The following ATP6V1C1 variants were observed in gnomAD, a reference collection of about 807,000 sequenced individuals.
ATP6V1C1 encodes the protein ATPase H+ transporting V1 subunit C1.
A neutral mutation model predicts 53.9 loss-of-function variants in ATP6V1C1; 45 were observed. That is an observed-to-expected ratio of 0.83 (90% CI 0.66 to 1.07). The LOEUF is 1.07. ATP6V1C1 is among the 50% of genes least tolerant of loss of function. The pLI is 0.00. For missense variants in ATP6V1C1, 315 were observed against 440.3 expected, an observed-to-expected ratio of 0.72 and a Z score of 2.55; for synonymous variants, 153 against 155.2, an observed-to-expected ratio of 0.99 and a Z score of 0.11.
intron 1 of ATP6V1C1, among the ~76,000 whole-genome samples, chr8:103,030,968 G>C (rs780035130): frequency 9.9e-5 from 15 of 152,074 alleles, no homozygotes; most frequent in Non-Finnish European, 1.2e-4. Context: ...CTAGAGTAAG[G>C]CCTTAGATCT....
chr8:103,024,331 C>CTCA lies in ATP6V1C1; in HGVS notation c.-40+3108_-40+3110dup, dbSNP rs531674074. Among the ~76,000 whole-genome samples, 78 of 152,224 alleles carry CTCA rather than the reference C, an allele frequency of 5.1e-4. 2 individuals carry two copies. In the South Asian group the frequency reaches 0.016, roughly 30 times the overall value. On this transcript the variant is annotated intron_variant, in intron 1 of 12. Transcript: ENST00000518738. The stretch of plus-strand genomic sequence containing the variant: ...TTTTTGGTATATTAGTCTTAGGAGC[C>CTCA]TCATGTACATTAGTTTTTTCAACCT...
intron 7 of ATP6V1C1, 106 bp from the exon 8 acceptor site, chr8:103,055,762 A>T (rs984958463): frequency 1.9e-6 from 2 of 1,028,752 alleles, no homozygotes; most frequent in East Asian, 2.7e-5. Context: ...AAGTATACTT[A>T]CTATAGCCAG....
At chr8:103,035,654 G>A (rs964781612) in intron 1 of ATP6V1C1, among the ~76,000 whole-genome samples, 10 of 152,116 alleles carry the variant, frequency 6.6e-5, no homozygotes, top group African/African-American at 2.4e-4. Flanking sequence ...GAAAGGGGAA[G>A]GTCTAGGTAC....
rs764399660 is a variant in ATP6V1C1, at chr8:103,048,895, A to C, written c.226A>C (p.Met76Leu). Reference sequence around the variant, plus strand: ...AGTGGTTAAGAAAGTAGCTCAATACATGGCTGATGTATTGGAAGATAGCAA... The same window carrying C: ...AGTGGTTAAGAAAGTAGCTCAATACCTGGCTGATGTATTGGAAGATAGCAA... ...EGVVKKVAQY[M>L]ADVLEDSKDK... Residue 76 changes from methionine to leucine, a missense_variant, in exon 4 of 13, where the codon ATG becomes CTG. Transcript: ENST00000518738. 6.2e-7 allele frequency: 1 copy of C among 1,613,378 alleles called. No homozygotes were observed. Among genetic ancestry groups the C allele is most frequent in the Non-Finnish European group, 8.5e-7 (1 of 1,179,652 alleles).
intron 1 of ATP6V1C1, among the ~76,000 whole-genome samples, chr8:103,023,719 A>T (rs930127173): frequency 6.6e-6 from 1 of 152,290 alleles, no homozygotes; most frequent in South Asian, 2.1e-4. Flanking sequence ...TATTCATTGT[A>T]TAGATGGGAA....
chr8:103,056,266 ATTCT>A (rs1421701992), intron 8 of ATP6V1C1, among the ~76,000 whole-genome samples: 1 of 152,094 alleles, frequency 6.6e-6, no homozygotes, highest in Admixed American at 6.6e-5. Flanking sequence ...CCTTTTGAAA[ATTCT>A]TTATTCATTA....
chr8:103,064,864 C>A, intron 11 of ATP6V1C1, 53 bp downstream of exon 11: 1 of 1,487,154 alleles, frequency 6.7e-7, no homozygotes, highest in Non-Finnish European at 9.3e-7. Flanking sequence ...AGATTCCTTA[C>A]ATTGGACCTC....
intron 3 of ATP6V1C1, among the ~76,000 whole-genome samples, chr8:103,047,430 G>GCGCGCACACACA (rs1491170438): frequency 9.5e-6 from 1 of 104,948 alleles, no homozygotes; most frequent in African/African-American, 3.5e-5. Context: ...AAATGCGCGC[G>GCGCGCACACACA]CACACACACA....
chr8:103,054,073 C>A (rs986887856), intron 7 of ATP6V1C1, 91 bp downstream of exon 7: 1 of 1,015,018 alleles, frequency 9.9e-7, no homozygotes, highest in Non-Finnish European at 1.4e-6. Context: ...TCCATAAAAT[C>A]CAAGCGTAAA....
Position 103,043,489 on chromosome 8 carries a change from A to AT in ATP6V1C1, c.200+1097dup, listed in dbSNP as rs60182020. Reference sequence around the variant, plus strand: ...AGGCACCCACCACCACGCCCAGCTAATTTTTTTTTTTTTTTGTATTTTTAG... The same window carrying AT: ...AGGCACCCACCACCACGCCCAGCTAATTTTTTTTTTTTTTTTGTATTTTTAG... On this transcript the variant is annotated intron_variant, in intron 3 of 12. Transcript: ENST00000518738. Among the ~76,000 whole-genome samples the AT allele has an allele frequency of 3.7e-3, 528 of 141,904 alleles. 2 individuals carry two copies. Among genetic ancestry groups the AT allele is most frequent in the African/African-American group, 7.7e-3 (298 of 38,936 alleles). The allele number at this position is 141,904 out of a possible 152,430, so 93.1% of individuals were successfully genotyped here.
intron 9 of ATP6V1C1, 39 bp downstream of exon 9, chr8:103,063,086 T>A (rs1369559053): frequency 1.9e-6 from 3 of 1,610,242 alleles, no homozygotes; most frequent in Non-Finnish European, 1.7e-6. Flanking sequence ...CTTTGTTAGA[T>A]CAGCTGTATA....
intron 6 of ATP6V1C1, 78 bp from the exon 7 acceptor site, chr8:103,053,800 GTGAAAA>G: frequency 1.0e-6 from 1 of 982,088 alleles, no homozygotes; most frequent in South Asian, 1.4e-5. Context: ...TATAGTATAT[GTGAAAA>G]TGATTAGCCT....
Position 103,072,147 on chromosome 8 carries a change from C to G in ATP6V1C1, c.*3400C>G, listed in dbSNP as rs548805740. ...GTGGAACAAAAGATATTTGTGGAAC[C>G]AATCTTTGTGGAACATATTCCAGCT... On this transcript the variant is annotated 3_prime_UTR_variant, in exon 13 of 13. Transcript: ENST00000518738. 2.6e-5 allele frequency: 4 copies of G among 152,298 alleles called. No individual in the cohort carries two copies. The South Asian group carries it at 6.2e-4, about 24-fold the overall frequency. The allele number at this position is 152,298 out of a possible 1,614,324, so 9.4% of individuals were successfully genotyped here.
intron 1 of ATP6V1C1, among the ~76,000 whole-genome samples, chr8:103,034,965 T>C (rs929401660): frequency 3.9e-5 from 6 of 152,220 alleles, no homozygotes; most frequent in African/African-American, 1.2e-4. Flanking sequence ...AAAATACTTA[T>C]GATGTTAACT....
chr8:103,022,045 G>C (rs1816606434), intron 1 of ATP6V1C1, among the ~76,000 whole-genome samples: 1 of 152,152 alleles, frequency 6.6e-6, no homozygotes. Context: ...TAACGTTGGA[G>C]AGAAAAGTCT....
chr8:103,064,821 G>A lies in ATP6V1C1; in HGVS notation c.926+10G>A, dbSNP rs1330489006. On this transcript the variant is annotated intron_variant, in intron 11 of 12. Coordinates refer to ENST00000518738, the MANE Select transcript of ATP6V1C1 (RefSeq NM_001695.5). Reference sequence around the variant, plus strand: ...TTGAGTCTGTTTTAAGGTAAAGCAAGTTAATTGCCAAACTTGGAACTGAAG... The same window carrying A: ...TTGAGTCTGTTTTAAGGTAAAGCAAATTAATTGCCAAACTTGGAACTGAAG... 1 of 1,609,000 alleles carries A rather than the reference G, an allele frequency of 6.2e-7. No homozygotes were observed. The highest frequency in any genetic ancestry group is 1.1e-5 in the South Asian group (1 of 89,960).
intron 1 of ATP6V1C1, among the ~76,000 whole-genome samples, chr8:103,023,240 C>T (rs1044061008): frequency 3.3e-5 from 5 of 149,658 alleles, no homozygotes; most frequent in African/African-American, 1.2e-4. Flanking sequence ...CAGAGGGAAG[C>T]CAGTGAAGAT....
intron 3 of ATP6V1C1, among the ~76,000 whole-genome samples, chr8:103,044,587 A>G (rs747749716): frequency 2.0e-5 from 3 of 151,632 alleles, no homozygotes; most frequent in South Asian, 2.1e-4. Context: ...TCACTGATCT[A>G]TGTTTCTCTC....
At chr8:103,053,234 C>T (rs953701205) in intron 6 of ATP6V1C1, among the ~76,000 whole-genome samples, 2 of 151,830 alleles carry the variant, frequency 1.3e-5, no homozygotes, top group Admixed American at 6.6e-5. Flanking sequence ...TTAGGTTTTT[C>T]ACTTGTTAGG....
Sources: allele counts gnomAD v4.1 joint callset (sites outside exome capture counted in the v4.1 genomes callset), GRCh38; gene constraint gnomAD v4.1.1; transcripts MANE v1.5; gene names NCBI Gene and HGNC (gene_info 2026-07-23, HGNC 2026-07-21).